Variants in NAALADL2 observed in about 807,000 individuals in gnomAD.
NAALADL2 encodes inactive N-acetylated-alpha-linked acidic dipeptidase-like protein 2.
NAALADL2 carries 76 observed loss-of-function variants against 87.2 expected under a neutral mutation model. The ratio of observed to expected loss-of-function variants is 0.87; its 90% CI spans 0.72 to 1.05. The LOEUF (loss-of-function observed/expected upper bound fraction) is 1.05. Ranked by LOEUF, NAALADL2 falls within the 50% of genes least tolerant of loss-of-function variation. NAALADL2 has a pLI of 0.00. For missense variants in NAALADL2, 1,089 were observed against 945.8 expected (o/e 1.15, Z -1.99); for synonymous variants, 354 against 331.0 (o/e 1.07, Z -0.75).
chr3:174,786,466 A>T (rs1200013890), intron 3 of NAALADL2, among the ~76,000 whole-genome samples: 5,066 of 120,278 alleles, frequency 0.042, 297 homozygotes, highest in African/African-American at 0.14. Context: ...AAAAAAAAAA[A>T]TAATAAATAA....
At chr3:174,716,760 A>G (rs1043534945) in intron 2 of NAALADL2, among the ~76,000 whole-genome samples, 1 of 152,116 alleles carries the variant, frequency 6.6e-6, no homozygotes, top group Non-Finnish European at 1.5e-5. Context: ...ACTATAATGT[A>G]TACAAAATCT....
chr3:174,711,766 A>G (rs1243912921), intron 2 of NAALADL2, among the ~76,000 whole-genome samples: 1 of 152,182 alleles, frequency 6.6e-6, no homozygotes, highest in Non-Finnish European at 1.5e-5. Flanking sequence ...GTATTTTATT[A>G]TAGTGCAAGG....
chr3:174,714,946 G>T (rs1553834210), intron 2 of NAALADL2, among the ~76,000 whole-genome samples: 1 of 152,100 alleles, frequency 6.6e-6, no homozygotes, highest in Non-Finnish European at 1.5e-5. Context: ...GTCATAGATA[G>T]CTCTTATTAT....
intron 3 of NAALADL2, among the ~76,000 whole-genome samples, chr3:174,739,507 C>T (rs1733552061): frequency 6.6e-6 from 1 of 151,976 alleles, no homozygotes; most frequent in African/African-American, 2.4e-5. Flanking sequence ...ACTTATAGAG[C>T]TTTTCAGTTC....
intron 1 of NAALADL2, among the ~76,000 whole-genome samples, chr3:175,054,472 A>G (rs545610806): frequency 1.4e-4 from 22 of 152,356 alleles, no homozygotes; most frequent in Admixed American, 2.6e-4. Context: ...TAAGTCAGTT[A>G]ACATTCTCCA....
At chr3:175,689,946 C>A (rs1931161) in intron 11 of NAALADL2, among the ~76,000 whole-genome samples, 34,082 of 151,990 alleles carry the variant, frequency 0.22, 7,459 homozygotes, top group African/African-American at 0.57. Flanking sequence ...TTACCAACTG[C>A]ATTTAATTAC....
rs1210731635 is a variant in NAALADL2 at position 175,471,536 on chromosome 3, AT to A, written c.1534-99del. ...AAGAAGGTAATTATGCAATATAATA[AT>A]TTTAAGTATGAAATGAAATGTTCAT... On this transcript the variant is annotated intron_variant, in intron 8 of 13. Coordinates refer to ENST00000454872, the MANE Select transcript of NAALADL2 (RefSeq NM_207015.3). 41 of 707,238 alleles carry A rather than the reference AT, an allele frequency of 5.8e-5. No homozygotes were observed. The Admixed American group carries it at 1.2e-3, about 21-fold the overall frequency. 43.8% of individuals were successfully genotyped at this position (707,238 alleles called of 1,614,324 possible).
chr3:174,478,460 T>G (rs1330102314), intron 1 of NAALADL2, among the ~76,000 whole-genome samples: 1 of 152,152 alleles, frequency 6.6e-6, no homozygotes, highest in Admixed American at 6.6e-5. Context: ...ATAACTTGTT[T>G]AAACTATGGA....
At chr3:175,166,600 T>TA (rs1231077828) in intron 2 of NAALADL2, among the ~76,000 whole-genome samples, 1 of 152,036 alleles carries the variant, frequency 6.6e-6, no homozygotes, top group Non-Finnish European at 1.5e-5. Context: ...CATTTCTTCT[T>TA]AGACTTTGCT....
intron 4 of NAALADL2, among the ~76,000 whole-genome samples, chr3:175,287,648 T>A (rs775068546): frequency 6.6e-6 from 1 of 152,196 alleles, no homozygotes. Context: ...AAGTTTATTG[T>A]TACAGATAGA....
chr3:175,793,540 C>T (rs1287788135), intron 13 of NAALADL2, among the ~76,000 whole-genome samples: 2 of 151,800 alleles, frequency 1.3e-5, no homozygotes, highest in Non-Finnish European at 2.9e-5. Flanking sequence ...TGGCCTCAAT[C>T]TCCTGACCTC....
intron 2 of NAALADL2, among the ~76,000 whole-genome samples, chr3:175,108,955 T>C (rs957397089): frequency 6.6e-6 from 1 of 151,842 alleles, no homozygotes; most frequent in Non-Finnish European, 1.5e-5. Context: ...TTCATCCTGT[T>C]TGTGCCATAG....
intron 13 of NAALADL2, among the ~76,000 whole-genome samples, chr3:175,780,668 C>T (rs759947674): frequency 2.6e-5 from 4 of 152,050 alleles, no homozygotes; most frequent in Non-Finnish European, 4.4e-5. Flanking sequence ...TGTATCTCAT[C>T]TCCATTTGGA....
At chr3:175,057,779 A>C (rs1282230878) in intron 1 of NAALADL2, among the ~76,000 whole-genome samples, 4 of 152,202 alleles carry the variant, frequency 2.6e-5, no homozygotes, top group Non-Finnish European at 5.9e-5. Flanking sequence ...CCAAGTTATC[A>C]ATGACTTCAA....
At chr3:174,914,026 C>A (rs1485555519) in intron 1 of NAALADL2, among the ~76,000 whole-genome samples, 1 of 150,284 alleles carries the variant, frequency 6.7e-6, no homozygotes, top group Non-Finnish European at 1.5e-5. Flanking sequence ...CCAAGGTACA[C>A]CTTTTTGGTT....
At chr3:174,834,820 A>G (rs1044935731) in intron 3 of NAALADL2, among the ~76,000 whole-genome samples, 5 of 150,196 alleles carry the variant, frequency 3.3e-5, no homozygotes, top group African/African-American at 9.7e-5. Context: ...AGCCATGTTT[A>G]TTGGTTAGAA....
chr3:175,762,304 G>T (rs1748138236), intron 13 of NAALADL2, among the ~76,000 whole-genome samples: 2 of 139,424 alleles, frequency 1.4e-5, no homozygotes, highest in Admixed American at 7.8e-5. Flanking sequence ...TTTTAATATT[G>T]CTTTTTGTGA....
chr3:174,618,468 T>A (rs1298169114), intron 2 of NAALADL2, among the ~76,000 whole-genome samples: 1 of 151,736 alleles, frequency 6.6e-6, no homozygotes, highest in Non-Finnish European at 1.5e-5. Context: ...TAAGATTTTG[T>A]TTACTATAAC....
At chr3:175,421,983 G>A (rs1213555494) in intron 5 of NAALADL2, among the ~76,000 whole-genome samples, 2 of 152,014 alleles carry the variant, frequency 1.3e-5, no homozygotes, top group African/African-American at 4.8e-5. Context: ...TATCAAATAG[G>A]CTAGGAGAAA....
Sources: gnomAD v4.1 joint callset for allele counts (sites outside exome capture counted in the v4.1 genomes callset) on GRCh38, gnomAD v4.1.1 for gene constraint, MANE v1.5 for transcripts, NCBI Gene and HGNC (gene_info 2026-07-23, HGNC 2026-07-21) for gene names.